Variants in POU2AF1 observed in about 807,000 individuals in gnomAD.
POU2AF1 encodes the protein POU class 2 homeobox associating factor 1.
A neutral mutation model predicts 26.3 loss-of-function variants in POU2AF1; 12 were observed. The ratio of observed to expected loss-of-function variants is 0.46; its 90% CI spans 0.29 to 0.74. The LOEUF (loss-of-function observed/expected upper bound fraction) is 0.74, where lower values mean the gene tolerates loss of function less well. Ranked by LOEUF, POU2AF1 falls within the 30% of genes least tolerant of loss-of-function variation. POU2AF1 has a pLI of 0.09. For missense variants in POU2AF1, 297 were observed against 334.5 expected (o/e 0.89, Z 0.87); for synonymous variants, 175 against 148.0 (o/e 1.18, Z -1.32).
chr11:111,363,027 A>G (rs1861040652), intron 1 of POU2AF1: 2 of 633,110 alleles, frequency 3.2e-6, no homozygotes, highest in South Asian at 7.0e-5. Context: ...CCCGCCTCCT[A>G]CTGTTTCTAA....
intron 1 of POU2AF1, among the ~76,000 whole-genome samples, chr11:111,377,217 C>CAA (rs60511505): frequency 5.0e-5 from 7 of 140,372 alleles, no homozygotes; most frequent in Admixed American, 6.9e-5. Flanking sequence ...ACTAAAAATA[C>CAA]AAAAAAAAAA....
At chr11:111,359,452 G>T in intron 1 of POU2AF1, 1 of 181,772 alleles carries the variant, frequency 5.5e-6, no homozygotes. Context: ...ATCATAGGTG[G>T]CAGTAGAGGA....
At position 111,358,930 on chromosome 11, in the gene POU2AF1, A is replaced by G. The variant is rs1860950332; in HGVS notation, c.17-12T>C. 3 of 1,596,362 alleles carry G rather than the reference A, an allele frequency of 1.9e-6. No homozygotes were observed. The highest frequency in any genetic ancestry group is 1.7e-6 in the Non-Finnish European group (2 of 1,176,236). Reference sequence around the variant, plus strand: ...CTCCGGAGCTGTGGCTGTGAAAAGCAATGTCCCTGGAGCCCATGGTCCTTC... The same window carrying G: ...CTCCGGAGCTGTGGCTGTGAAAAGCGATGTCCCTGGAGCCCATGGTCCTTC... On this transcript the variant is annotated splice_polypyrimidine_tract_variant and intron_variant, in intron 1 of 4. Coordinates refer to ENST00000393067, the MANE Select transcript of POU2AF1 (RefSeq NM_006235.3).
intron 1 of POU2AF1, chr11:111,359,173 AC>A: frequency 1.7e-6 from 1 of 587,928 alleles, no homozygotes; most frequent in Non-Finnish European, 2.9e-6. Context: ...TGAGATCCGA[AC>A]CCATTTTTCT....
chr11:111,358,789 G>T lies in POU2AF1; in HGVS notation c.146C>A (p.Ala49Glu). 1 of 1,587,128 alleles carries T rather than the reference G, an allele frequency of 6.3e-7. No individual in the cohort carries two copies. The change falls in exon 2 of 5, where the codon GCG (alanine) becomes GAG (glutamate). Residue 49 changes from alanine to glutamate, a missense_variant and splice_region_variant. Physicochemically the swap from Ala to Glu is moderately radical, Grantham distance 107. Coordinates refer to ENST00000393067, the MANE Select transcript of POU2AF1 (RefSeq NM_006235.3). ...ACTCTCACACACACAAACTCTCACC[G>T]CCGTAGGTGCAGGTGCTGCCCCACT... ...ASSGAAPAPT[A>E]VVLPHQPLAT...
At chr11:111,377,426 G>C (rs1861330026) in intron 1 of POU2AF1, among the ~76,000 whole-genome samples, 1 of 152,084 alleles carries the variant, frequency 6.6e-6, no homozygotes, top group Non-Finnish European at 1.5e-5. Context: ...CTCTTAGAAG[G>C]AATTAGAAAT....
chr11:111,363,087 AC>A, intron 1 of POU2AF1: 1 of 977,680 alleles, frequency 1.0e-6, no homozygotes, highest in South Asian at 4.8e-5. Flanking sequence ...AGAGAGTATC[AC>A]CCTCTAATGT....
At chr11:111,372,077 G>GAA (rs1861224123) in intron 1 of POU2AF1, among the ~76,000 whole-genome samples, 1 of 150,930 alleles carries the variant, frequency 6.6e-6, no homozygotes, top group East Asian at 1.9e-4. Flanking sequence ...CACAGAGAGA[G>GAA]AGAGAGAGAG....
At chr11:111,369,648 T>A (rs1324788425) in intron 1 of POU2AF1, among the ~76,000 whole-genome samples, 1 of 152,170 alleles carries the variant, frequency 6.6e-6, no homozygotes, top group Non-Finnish European at 1.5e-5. Context: ...TTGCCTCAAA[T>A]TTGCTGAGAG....
rs140346928 is a variant in POU2AF1 at position 111,358,158 on chromosome 11, G to A, written c.148-321C>T. 8.0e-4 allele frequency among the ~76,000 whole-genome samples: 122 copies of A among 152,094 alleles called. No homozygotes were observed. In the Middle Eastern group the frequency reaches 0.01, roughly 13 times the overall value. The stretch of plus-strand genomic sequence containing the variant: ...CTGTGTTCGGTGGGCCAGCTGAGCC[G>A]GCCCTGATCCCTCATCCCAGTTGCT... On this transcript the variant is annotated intron_variant, in intron 2 of 4. Transcript: ENST00000393067.
intron 1 of POU2AF1, among the ~76,000 whole-genome samples, chr11:111,375,365 T>G (rs775975325): frequency 5.4e-4 from 80 of 148,612 alleles, no homozygotes; most frequent in Non-Finnish European, 1.0e-3. Context: ...GTGTTGGCAA[T>G]GTACAACCCC....
In POU2AF1 at chr11:111,374,975, T is replaced by A. The variant is rs575570359; in HGVS notation, c.16+4187A>T. Among the ~76,000 whole-genome samples, 204 of 152,324 alleles carry A rather than the reference T, an allele frequency of 1.3e-3. 1 individual carries two copies. Among genetic ancestry groups the A allele is most frequent in the Admixed American group, 2.5e-3 (39 of 15,302 alleles). On this transcript the variant is annotated intron_variant, in intron 1 of 4. Transcript: ENST00000393067. The stretch of plus-strand genomic sequence containing the variant: ...TACATCTGAAGAGCAGAGTTCTATG[T>A]TGATGAGAATTTTAAGTCCTTAATT...
Position 111,353,692 on chromosome 11 carries a change from G to A in POU2AF1, c.*569C>T, listed in dbSNP as rs1860780532. ...CCACCACATACATCTTAAAATTACA[G>A]AGGGTGTGAGTGACCCTAAGATGGT... On this transcript the variant is annotated 3_prime_UTR_variant, in exon 5 of 5. Coordinates refer to ENST00000393067, the MANE Select transcript of POU2AF1 (RefSeq NM_006235.3). 4.3e-6 allele frequency: 1 copy of A among 234,494 alleles called. No individual in the cohort carries two copies. The highest frequency in any genetic ancestry group is 2.2e-5 in the African/African-American group (1 of 45,362). 14.5% of individuals were successfully genotyped at this position (234,494 alleles called of 1,614,324 possible).
chr11:111,369,978 T>G (rs1334070296), intron 1 of POU2AF1, among the ~76,000 whole-genome samples: 2 of 152,210 alleles, frequency 1.3e-5, no homozygotes, highest in African/African-American at 4.8e-5. Flanking sequence ...AGAGCTTTAT[T>G]GAAAAAACTT....
intron 1 of POU2AF1, among the ~76,000 whole-genome samples, chr11:111,369,639 T>A (rs748399217): frequency 9.9e-5 from 15 of 152,208 alleles, no homozygotes; most frequent in Non-Finnish European, 2.1e-4. Context: ...TATTTGGCAT[T>A]GCCTCAAATT....
intron 1 of POU2AF1, 137 bp downstream of exon 1, chr11:111,379,025 C>CCG: frequency 1.6e-6 from 1 of 623,464 alleles, no homozygotes; most frequent in African/African-American, 2.0e-5. Flanking sequence ...CTCCCTGCTC[C>CCG]GGGGCTTGGA....
intron 1 of POU2AF1, among the ~76,000 whole-genome samples, chr11:111,371,613 C>T (rs1167173554): frequency 6.6e-6 from 1 of 152,138 alleles, no homozygotes; most frequent in Non-Finnish European, 1.5e-5. Context: ...TGCCATTTCA[C>T]AAGAAATTCA....
intron 1 of POU2AF1, among the ~76,000 whole-genome samples, chr11:111,375,693 C>A (rs1861298654): frequency 1.3e-5 from 2 of 152,148 alleles, no homozygotes; most frequent in Admixed American, 1.3e-4. Flanking sequence ...GCCACCGCAC[C>A]CGGCCTGATA....
chr11:111,364,107 G>T, intron 1 of POU2AF1: 1 of 583,128 alleles, frequency 1.7e-6, no homozygotes, highest in Non-Finnish European at 2.2e-6. Context: ...AAAATCTGTA[G>T]GTACAAAAAG....
Sources: allele counts gnomAD v4.1 joint callset (sites outside exome capture counted in the v4.1 genomes callset), GRCh38; gene constraint gnomAD v4.1.1; transcripts MANE v1.5; gene names NCBI Gene and HGNC (gene_info 2026-07-23, HGNC 2026-07-21).